The following CPA6 variants were observed in gnomAD, a reference collection of about 807,000 sequenced individuals.
The protein encoded by CPA6 is carboxypeptidase B.
Under a neutral mutation model 63.3 loss-of-function variants are expected in CPA6, and 58 were observed. The observed-to-expected ratio is 0.92, with a 90% CI of 0.74 to 1.14. The LOEUF is 1.14. Ranked by LOEUF, CPA6 falls within the 50% of genes most tolerant of loss-of-function variation. The probability of loss-of-function intolerance (pLI) is 0.00; values close to 1 mark genes in which losing one functional copy is unlikely to be tolerated. For synonymous variants in CPA6, 185 were observed against 179.0 expected (o/e 1.03, Z -0.27); for missense variants, 565 against 526.6 (o/e 1.07, Z -0.71).
chr8:67,635,981 T>C (rs1210905145), intron 1 of CPA6, among the ~76,000 whole-genome samples: 1 of 151,482 alleles, frequency 6.6e-6, no homozygotes, highest in Non-Finnish European at 1.5e-5. Flanking sequence ...TCTGAAACCC[T>C]AAAAGGACTT....
At chr8:67,604,438 C>T (rs781322461) in intron 2 of CPA6, among the ~76,000 whole-genome samples, 5 of 152,182 alleles carry the variant, frequency 3.3e-5, no homozygotes, top group African/African-American at 7.2e-5. Flanking sequence ...TGTCTTCTTC[C>T]CTGACCGGTC....
At chr8:67,702,231 T>C (rs563729249) in intron 1 of CPA6, among the ~76,000 whole-genome samples, 1 of 152,188 alleles carries the variant, frequency 6.6e-6, no homozygotes, top group South Asian at 2.1e-4. Flanking sequence ...ATTTAAATAA[T>C]TTCTCAAGTA....
Position 67,606,360 on chromosome 8 carries a change from TA to T in CPA6, c.192+17815del, listed in dbSNP as rs56234521. ...TATAATAATAATAAAAAAATTAAAT[TA>T]AAAAAAAGAATTCCATTTTTGATGA... On this transcript the variant is annotated intron_variant, in intron 2 of 10. Coordinates refer to ENST00000297770, the MANE Select transcript of CPA6 (RefSeq NM_020361.5). Among the ~76,000 whole-genome samples, 1,333 of 151,882 alleles carry T rather than the reference TA, an allele frequency of 8.8e-3. 6 individuals carry two copies. Among genetic ancestry groups the T allele is most frequent in the Non-Finnish European group, 0.014 (976 of 67,946 alleles).
chr8:67,633,315 A>T (rs1815385970), intron 1 of CPA6, among the ~76,000 whole-genome samples: 1 of 152,126 alleles, frequency 6.6e-6, no homozygotes, highest in African/African-American at 2.4e-5. Flanking sequence ...ATATATGTGA[A>T]TTTATTCTTA....
At chr8:67,592,437 G>A (rs1302417717) in intron 2 of CPA6, among the ~76,000 whole-genome samples, 1 of 151,878 alleles carries the variant, frequency 6.6e-6, no homozygotes, top group Non-Finnish European at 1.5e-5. Flanking sequence ...TTTTTCTATT[G>A]ATTGGAATAG....
chr8:67,653,607 TG>T (rs1815903907), intron 1 of CPA6, among the ~76,000 whole-genome samples: 2 of 152,160 alleles, frequency 1.3e-5, no homozygotes, highest in Admixed American at 6.5e-5. Context: ...CCTGAGACTT[TG>T]CTGAAGTTGC....
chr8:67,555,868 A>G (rs1372565072), intron 2 of CPA6, among the ~76,000 whole-genome samples: 1 of 152,198 alleles, frequency 6.6e-6, no homozygotes, highest in Non-Finnish European at 1.5e-5. Context: ...CGCATATTAT[A>G]TTACATTCAC....
chr8:67,668,103 A>C (rs1213695736), intron 1 of CPA6, among the ~76,000 whole-genome samples: 1 of 152,272 alleles, frequency 6.6e-6, no homozygotes, highest in East Asian at 1.9e-4. Flanking sequence ...TTATGTGCAT[A>C]TGCACAAGAA....
intron 3 of CPA6, among the ~76,000 whole-genome samples, chr8:67,512,796 T>G (rs1016162940): frequency 6.6e-6 from 1 of 152,226 alleles, no homozygotes; most frequent in East Asian, 1.9e-4. Context: ...AAAGAACATA[T>G]AATGGCATCT....
chr8:67,742,894 T>C lies in CPA6; in HGVS notation c.116+3120A>G, dbSNP rs1817938974. ...GTTCTACAATTTTGCCAGAATTTAT[T>C]GTTACTGTCTGAGATCTCTCTTTTA... On this transcript the variant is annotated intron_variant, in intron 1 of 10. Coordinates refer to ENST00000297770, the MANE Select transcript of CPA6 (RefSeq NM_020361.5). 2.6e-5 allele frequency among the ~76,000 whole-genome samples: 4 copies of C among 152,344 alleles called. 1 individual carries two copies. The South Asian group carries it at 8.3e-4, about 32-fold the overall frequency.
chr8:67,596,316 T>C (rs1814333414), intron 2 of CPA6, among the ~76,000 whole-genome samples: 1 of 152,218 alleles, frequency 6.6e-6, no homozygotes, highest in South Asian at 2.1e-4. Context: ...GCATTTATTG[T>C]TGTACCTGTT....
intron 2 of CPA6, among the ~76,000 whole-genome samples, chr8:67,589,726 C>T (rs1016854774): frequency 6.6e-6 from 1 of 151,934 alleles, no homozygotes; most frequent in Admixed American, 6.6e-5. Context: ...ACCATGTAAC[C>T]ACACCTAGGT....
chr8:67,725,210 CTG>C, intron 1 of CPA6, among the ~76,000 whole-genome samples: 1 of 152,350 alleles, frequency 6.6e-6, no homozygotes, highest in South Asian at 2.1e-4. Flanking sequence ...GAGTTTATAA[CTG>C]TTTACTTGTT....
Position 67,746,070 on chromosome 8 carries a change from G to C in CPA6, c.60C>G (p.Leu20=). The change falls in exon 1 of 11, where the codon CTC becomes CTG. Residue 20 remains leucine, a synonymous_variant. Coordinates refer to ENST00000297770, the MANE Select transcript of CPA6 (RefSeq NM_020361.5). ...GCCCCGGTTGCAGAATCTTCAAAAA[G>C]AGCCAGCAAAGAGGCAGGAAAGCAG... is the stretch of plus-strand genomic sequence containing the variant. ...QAAAFLPLCW[L]FLKILQPGHS... 1.2e-6 allele frequency: 2 copies of C among 1,613,958 alleles called. No homozygotes were observed. Among genetic ancestry groups the C allele is most frequent in the Non-Finnish European group, 1.7e-6 (2 of 1,179,880 alleles).
chr8:67,676,998 C>A (rs1259156090), intron 1 of CPA6, among the ~76,000 whole-genome samples: 1 of 152,086 alleles, frequency 6.6e-6, no homozygotes, highest in Non-Finnish European at 1.5e-5. Context: ...CCATGTGTGT[C>A]TGTGTGTGTA....
At chr8:67,572,789 G>A (rs975767473) in intron 2 of CPA6, among the ~76,000 whole-genome samples, 3 of 152,122 alleles carry the variant, frequency 2.0e-5, no homozygotes, top group African/African-American at 7.2e-5. Flanking sequence ...TTTTGCAAGG[G>A]CAGCAATAAC....
intron 8 of CPA6, among the ~76,000 whole-genome samples, chr8:67,449,241 G>C (rs1181489475): frequency 6.6e-6 from 1 of 152,142 alleles, no homozygotes; most frequent in Non-Finnish European, 1.5e-5. Flanking sequence ...GACACAGCGA[G>C]ACTGTCTCAA....
At position 67,422,691 on chromosome 8, in the gene CPA6, T is replaced by A. The variant is rs766187895; in HGVS notation, c.1127A>T (p.Tyr376Phe). ...YRYGPASTTL[Y>F]VSSGSSMDWA... The stretch of plus-strand genomic sequence containing the variant: ...ATCCATTGAGCTACCAGAGCTCACA[T>A]CTAAAAGTTAAAACAAAAAAAAAAA... The change falls in exon 11 of 11, where the codon TAT becomes TTT. Residue 376 changes from tyrosine to phenylalanine, a missense_variant and splice_region_variant. Tyr to Phe is a conservative substitution (Grantham distance 22). Coordinates refer to ENST00000297770, the MANE Select transcript of CPA6 (RefSeq NM_020361.5). 3.1e-6 allele frequency: 5 copies of A among 1,594,730 alleles called. No homozygotes were observed. In the African/African-American group the frequency reaches 6.9e-5, roughly 22 times the overall value.
At chr8:67,456,241 C>A (rs779326226) in intron 8 of CPA6, among the ~76,000 whole-genome samples, 10 of 152,246 alleles carry the variant, frequency 6.6e-5, no homozygotes, top group South Asian at 4.2e-4. Flanking sequence ...AGTTAGCAAA[C>A]GTTTAATTCT....
Sources: gnomAD v4.1 joint callset for allele counts (sites outside exome capture counted in the v4.1 genomes callset) on GRCh38, gnomAD v4.1.1 for gene constraint, MANE v1.5 for transcripts, NCBI Gene and HGNC (gene_info 2026-07-23, HGNC 2026-07-21) for gene names.